Variants in STXBP5 observed in about 807,000 individuals in gnomAD.
STXBP5 encodes the protein syntaxin-binding protein 5.
STXBP5 carries 50 observed loss-of-function variants against 152.4 expected under a neutral mutation model. The ratio of observed to expected loss-of-function variants is 0.33; its 90% CI spans 0.26 to 0.42. The LOEUF is 0.42. Ranked by LOEUF, STXBP5 falls within the 10% of genes least tolerant of loss-of-function variation. STXBP5 has a pLI of 1.00. For missense variants in STXBP5, 1,167 were observed against 1,388.6 expected, an observed-to-expected ratio of 0.84 and a Z score of 2.54; for synonymous variants, 492 against 494.7, an observed-to-expected ratio of 0.99 and a Z score of 0.07.
At chr6:147,381,707 G>C (rs772855095) in intron 26 of STXBP5, among the ~76,000 whole-genome samples, 3 of 152,092 alleles carry the variant, frequency 2.0e-5, no homozygotes, top group Non-Finnish European at 2.9e-5. Flanking sequence ...TCCATAATAA[G>C]GGATGAAGTA....
At chr6:147,280,106 G>A (rs1780632911) in intron 8 of STXBP5, among the ~76,000 whole-genome samples, 1 of 150,640 alleles carries the variant, frequency 6.6e-6, no homozygotes, top group Non-Finnish European at 1.5e-5. Context: ...ATATAACCAA[G>A]TTTTGCCTTT....
In STXBP5 at chr6:147,326,391, C is replaced by G. The variant is rs372912797; in HGVS notation, c.1929-734C>G. ...GTTACCAAGACTATATAAATCCATA[C>G]TTAGAGCTCCAACTTAAAAATCTGA... On this transcript the variant is annotated intron_variant, in intron 17 of 27. Transcript: ENST00000321680. Among the ~76,000 whole-genome samples, 3 of 152,266 alleles carry G rather than the reference C, an allele frequency of 2.0e-5. No homozygotes were observed. The East Asian group carries it at 5.8e-4, about 29-fold the overall frequency.
In STXBP5 at chr6:147,382,885, T is replaced by G. The variant is rs1476292873; in HGVS notation, c.3301T>G (p.Leu1101Val). The change falls in exon 27 of 28, where the codon TTA becomes GTA. Residue 1101 changes from leucine (L) to valine (V), a missense_variant. Physicochemically the swap from Leu to Val is conservative, Grantham distance 32. Around this residue, in one of 3 missense-constraint regions of STXBP5, gnomAD observed 833 missense variants for 986.3 expected, o/e 0.84. Coordinates refer to ENST00000321680, the MANE Select transcript of STXBP5 (RefSeq NM_001127715.4). ...GGCAGCATCTGGAGTTGTTGGTGAA[T>G]TAGCACGAGCCAGGCTGGCACTAGA... ...KGAASGVVGELARARLALDER... is the reference protein window; with the variant it reads ...KGAASGVVGEVARARLALDER... 1.9e-6 allele frequency: 3 copies of G among 1,613,400 alleles called. No individual in the cohort carries two copies. The highest frequency in any genetic ancestry group is 1.7e-6 in the Non-Finnish European group (2 of 1,179,708).
chr6:147,209,954 ACC>A (rs1776763025), intron 2 of STXBP5, among the ~76,000 whole-genome samples: 1 of 152,196 alleles, frequency 6.6e-6, no homozygotes, highest in African/African-American at 2.4e-5. Context: ...TGCAATTTTA[ACC>A]TGAGGTATCT....
At chr6:147,242,846 T>C (rs1352894909) in intron 4 of STXBP5, among the ~76,000 whole-genome samples, 1 of 152,166 alleles carries the variant, frequency 6.6e-6, no homozygotes, top group Non-Finnish European at 1.5e-5. Flanking sequence ...ATGACTGTCA[T>C]TGGAATCATA....
In STXBP5 at chr6:147,233,237, A is replaced by G. The variant is rs1264140500; in HGVS notation, c.249-2013A>G. 5.3e-5 allele frequency among the ~76,000 whole-genome samples: 8 copies of G among 151,908 alleles called. No homozygotes were observed. In the East Asian group the frequency reaches 1.4e-3, roughly 26 times the overall value. ...ATTTCCCTCCTGATTTGGTGTGCATACCTATAAATGACTGGAAAAGAAATA... is the reference window on the plus strand; with the variant it reads ...ATTTCCCTCCTGATTTGGTGTGCATGCCTATAAATGACTGGAAAAGAAATA... On this transcript the variant is annotated intron_variant, in intron 2 of 27. Coordinates refer to ENST00000321680, the MANE Select transcript of STXBP5 (RefSeq NM_001127715.4).
chr6:147,222,587 G>C (rs1033370492), intron 2 of STXBP5, among the ~76,000 whole-genome samples: 7 of 152,152 alleles, frequency 4.6e-5, no homozygotes, highest in African/African-American at 1.7e-4. Flanking sequence ...CCACTGGAGT[G>C]ATTTTTCTTC....
chr6:147,314,396 A>G (rs1453468216), intron 13 of STXBP5, 65 bp downstream of exon 13: 1 of 1,459,694 alleles, frequency 6.9e-7, no homozygotes. Context: ...TTGAGACTAC[A>G]TGAATGTTAA....
chr6:147,300,608 G>C (rs1781757818), intron 9 of STXBP5, among the ~76,000 whole-genome samples: 1 of 151,890 alleles, frequency 6.6e-6, no homozygotes, highest in Non-Finnish European at 1.5e-5. Flanking sequence ...TATCCACATG[G>C]ATAAGACTAA....
intron 2 of STXBP5, among the ~76,000 whole-genome samples, chr6:147,209,095 G>C (rs77365462): frequency 0.012 from 1,765 of 152,032 alleles, 17 homozygotes; most frequent in Non-Finnish European, 0.019. Flanking sequence ...TTAATCATGG[G>C]TTACCCTGAT....
At chr6:147,308,333 A>C (rs1782199922) in intron 9 of STXBP5, among the ~76,000 whole-genome samples, 1 of 152,228 alleles carries the variant, frequency 6.6e-6, no homozygotes, top group Non-Finnish European at 1.5e-5. Flanking sequence ...GGTTCTATTT[A>C]GGATAACATT....
intron 4 of STXBP5, among the ~76,000 whole-genome samples, chr6:147,241,455 G>A (rs1778538220): frequency 6.6e-6 from 1 of 152,072 alleles, no homozygotes; most frequent in Admixed American, 6.6e-5. Flanking sequence ...CCATACCCCT[G>A]TCAGCCACTG....
At chr6:147,276,339 G>C (rs1780442508) in intron 7 of STXBP5, among the ~76,000 whole-genome samples, 1 of 151,906 alleles carries the variant, frequency 6.6e-6, no homozygotes, top group Admixed American at 6.6e-5. Flanking sequence ...TCTGTTATTT[G>C]TTTCTGTTGT....
chr6:147,301,467 A>C (rs1781812092), intron 9 of STXBP5, among the ~76,000 whole-genome samples: 2 of 152,164 alleles, frequency 1.3e-5, no homozygotes, highest in Non-Finnish European at 2.9e-5. Context: ...GACTTTTACA[A>C]TTTGAAGTGC....
At position 147,389,130 on chromosome 6, in the gene STXBP5, G is replaced by C. The variant is rs1286198803; in HGVS notation, c.*4375G>C. ...CTTTTCATTTGAAAATGAATGTGAA[G>C]ATACTGTTTACAGCTTTTGTTAATT... On this transcript the variant is annotated 3_prime_UTR_variant, in exon 28 of 28. Transcript: ENST00000321680. 6.6e-6 allele frequency: 1 copy of C among 151,612 alleles called. No homozygotes were observed. The highest frequency in any genetic ancestry group is 1.9e-4 in the East Asian group (1 of 5,172). The allele number at this position is 151,612 out of a possible 1,614,324, so 9.4% of individuals were successfully genotyped here. A position where few individuals can be genotyped will look rare whatever the true frequency, so the allele number is the denominator to read the frequency against.
At chr6:147,335,324 T>C (rs1783769548) in intron 19 of STXBP5, among the ~76,000 whole-genome samples, 2 of 152,214 alleles carry the variant, frequency 1.3e-5, no homozygotes, top group African/African-American at 4.8e-5. Flanking sequence ...TTTAGAATTG[T>C]AATATCTTTT....
chr6:147,329,445 T>C (rs1034325172), intron 18 of STXBP5, among the ~76,000 whole-genome samples: 1 of 150,590 alleles, frequency 6.6e-6, no homozygotes, highest in Non-Finnish European at 1.5e-5. Context: ...ATCTTAAGAA[T>C]ATTTCTGACT....
At chr6:147,253,985 A>G (rs1779231659) in intron 4 of STXBP5, among the ~76,000 whole-genome samples, 1 of 152,228 alleles carries the variant, frequency 6.6e-6, no homozygotes, top group Non-Finnish European at 1.5e-5. Flanking sequence ...TATAGCCAAG[A>G]CAATCCTAAG....
chr6:147,340,570 G>C (rs1390276861), intron 21 of STXBP5, among the ~76,000 whole-genome samples: 1 of 151,770 alleles, frequency 6.6e-6, no homozygotes, highest in Non-Finnish European at 1.5e-5. Flanking sequence ...AGGTTCTTTT[G>C]TTGTCATATT....
Sources: gnomAD v4.1 joint callset for allele counts (sites outside exome capture counted in the v4.1 genomes callset) on GRCh38, gnomAD v4.1.1 for gene constraint, gnomAD v4.1.1 regional missense constraint, MANE v1.5 for transcripts, NCBI Gene and HGNC (gene_info 2026-07-23, HGNC 2026-07-21) for gene names.